The following SPIDR variants were observed in gnomAD, a reference collection of about 807,000 sequenced individuals.
SPIDR encodes the protein scaffold protein involved in DNA repair.
In SPIDR, 93 loss-of-function variants were observed where a neutral mutation model predicts 104.6. The ratio of observed to expected loss-of-function variants is 0.89; its 90% CI spans 0.75 to 1.06. The LOEUF (loss-of-function observed/expected upper bound fraction) is 1.06, where lower values mean the gene tolerates loss of function less well. Ranked by LOEUF, SPIDR falls within the 50% of genes least tolerant of loss-of-function variation. The probability of loss-of-function intolerance (pLI) is 0.00; values close to 1 mark genes in which losing one functional copy is unlikely to be tolerated. For missense variants in SPIDR, 1,154 were observed against 1,111.2 expected (o/e 1.04, Z -0.55); for synonymous variants, 431 against 416.9 (o/e 1.03, Z -0.41).
chr8:47,507,361 C>A lies in SPIDR; in HGVS notation c.1097+66819C>A, dbSNP rs79755736. Among the ~76,000 whole-genome samples the A allele has an allele frequency of 8.5e-4, 129 of 152,350 alleles. 1 individual carries two copies. Among genetic ancestry groups the A allele is most frequent in the Middle Eastern group, 3.4e-3 (1 of 294 alleles). ...GTGTGATTGATACCTCATGCCATCT[C>A]TTCTGGGCAGACTGGACCCAAGACA... On this transcript the variant is annotated intron_variant, in intron 8 of 19. Transcript: ENST00000297423.
At chr8:47,298,470 T>C (rs968411634) in intron 5 of SPIDR, among the ~76,000 whole-genome samples, 7 of 152,350 alleles carry the variant, frequency 4.6e-5, no homozygotes, top group Middle Eastern at 3.4e-3. Flanking sequence ...AGATGGCGTT[T>C]GTCAATTTTG....
intron 6 of SPIDR, among the ~76,000 whole-genome samples, chr8:47,397,799 G>A (rs782651957): frequency 2.6e-5 from 4 of 152,284 alleles, no homozygotes; most frequent in South Asian, 2.1e-4. Flanking sequence ...ACTCTCTTCC[G>A]TATTGCCAGT....
At chr8:47,268,524 G>A (rs2034568256) in intron 1 of SPIDR, among the ~76,000 whole-genome samples, 1 of 152,122 alleles carries the variant, frequency 6.6e-6, no homozygotes, top group Non-Finnish European at 1.5e-5. Context: ...AAAAAGTCCT[G>A]CACTTCTTTG....
intron 19 of SPIDR, chr8:47,732,203 C>A (rs1475703983): frequency 1.6e-5 from 11 of 702,466 alleles, no homozygotes; most frequent in Non-Finnish European, 2.6e-5. Context: ...GGTGCTTGTT[C>A]CTCCTACACA....
At chr8:47,376,876 A>G (rs1305644681) in intron 5 of SPIDR, among the ~76,000 whole-genome samples, 3 of 152,188 alleles carry the variant, frequency 2.0e-5, no homozygotes, top group Non-Finnish European at 4.4e-5. Context: ...TTGGCAAACT[A>G]TAGCTTACAG....
chr8:47,422,541 G>C (rs1179457706), intron 7 of SPIDR, among the ~76,000 whole-genome samples: 2 of 152,216 alleles, frequency 1.3e-5, no homozygotes, highest in Non-Finnish European at 2.9e-5. Context: ...GGAATTCCCT[G>C]ACCCCTTGTG....
At chr8:47,561,354 C>T (rs959471795) in intron 8 of SPIDR, among the ~76,000 whole-genome samples, 2 of 152,220 alleles carry the variant, frequency 1.3e-5, no homozygotes, top group African/African-American at 2.4e-5. Flanking sequence ...CAAACCTGTT[C>T]AGTACCTTGC....
At chr8:47,467,930 G>A (rs1332145739) in intron 8 of SPIDR, among the ~76,000 whole-genome samples, 7 of 152,160 alleles carry the variant, frequency 4.6e-5, no homozygotes, top group African/African-American at 1.7e-4. Flanking sequence ...CCTGTTTGCA[G>A]AAGACATGAT....
chr8:47,408,033 T>A, intron 7 of SPIDR, 72 bp downstream of exon 7: 1 of 773,128 alleles, frequency 1.3e-6, no homozygotes, highest in Non-Finnish European at 2.0e-6. Context: ...TACATTAAAA[T>A]ATATGAAGTT....
chr8:47,320,468 CA>C (rs1240595697), intron 5 of SPIDR, among the ~76,000 whole-genome samples: 2 of 151,960 alleles, frequency 1.3e-5, no homozygotes, highest in African/African-American at 2.4e-5. Context: ...GCTTACCAAA[CA>C]AAAAAAGTCC....
chr8:47,357,715 G>A (rs532638609), intron 5 of SPIDR: 61 of 225,704 alleles, frequency 2.7e-4, no homozygotes, highest in Non-Finnish European at 4.3e-4. Flanking sequence ...CCATAAATAT[G>A]TGCTTTTGTT....
chr8:47,530,831 T>TA (rs1168987874), intron 8 of SPIDR, among the ~76,000 whole-genome samples: 1 of 152,188 alleles, frequency 6.6e-6, no homozygotes, highest in African/African-American at 2.4e-5. Context: ...ACTTGGCTTA[T>TA]AACACATTGT....
intron 5 of SPIDR, among the ~76,000 whole-genome samples, chr8:47,349,736 A>G (rs1215335631): frequency 2.0e-5 from 3 of 152,180 alleles, no homozygotes; most frequent in African/African-American, 7.2e-5. Context: ...CTGCTGTGCT[A>G]CCAGTGAGCA....
chr8:47,674,035 C>T (rs964184815), intron 11 of SPIDR, 94 bp downstream of exon 11: 3 of 1,444,534 alleles, frequency 2.1e-6, no homozygotes, highest in Non-Finnish European at 2.8e-6. Flanking sequence ...AATTAAAAGG[C>T]AATAAACCAG....
intron 11 of SPIDR, among the ~76,000 whole-genome samples, chr8:47,683,864 C>T (rs1254444978): frequency 1.3e-5 from 2 of 152,252 alleles, no homozygotes; most frequent in Admixed American, 6.5e-5. Flanking sequence ...TGGTGGCTCA[C>T]ACCTGTAATT....
chr8:47,681,408 A>G (rs773982794), intron 11 of SPIDR, among the ~76,000 whole-genome samples: 1 of 152,148 alleles, frequency 6.6e-6, no homozygotes, highest in Non-Finnish European at 1.5e-5. Context: ...TTTAGAAGGT[A>G]CAGTAAGCTC....
chr8:47,511,159 C>T (rs940715516), intron 8 of SPIDR: 41 of 1,557,934 alleles, frequency 2.6e-5, no homozygotes, highest in South Asian at 3.3e-5. Flanking sequence ...CATGGCTGGC[C>T]GGGCATCCAC....
At chr8:47,403,942 T>C (rs1387834190) in intron 6 of SPIDR, among the ~76,000 whole-genome samples, 3 of 152,200 alleles carry the variant, frequency 2.0e-5, no homozygotes, top group Non-Finnish European at 4.4e-5. Context: ...GCTACCTGAC[T>C]TCAAACTATA....
Position 47,703,643 on chromosome 8 carries a change from C to A in SPIDR, c.1977+1628C>A, listed in dbSNP as rs1311089336. ...AAATTTGAATTTAACTTAATTTTTA[C>A]TTGTCACAAAATATTCTTACGGTTT... On this transcript the variant is annotated intron_variant, in intron 14 of 19. Coordinates refer to ENST00000297423, the MANE Select transcript of SPIDR (RefSeq NM_001080394.4). Among the ~76,000 whole-genome samples the A allele has an allele frequency of 2.6e-5, 4 of 152,194 alleles. No individual in the cohort carries two copies. The East Asian group carries it at 7.7e-4, about 29-fold the overall frequency.
Sources: allele counts gnomAD v4.1 joint callset (sites outside exome capture counted in the v4.1 genomes callset), GRCh38; gene constraint gnomAD v4.1.1; transcripts MANE v1.5; gene names NCBI Gene and HGNC (gene_info 2026-07-23, HGNC 2026-07-21).